AGMO: variants seen among roughly 807,000 people sequenced by gnomAD.
The protein encoded by AGMO is alkylglycerol monooxygenase.
A neutral mutation model predicts 60.2 loss-of-function variants in AGMO; 75 were observed. That is an observed-to-expected ratio of 1.25 (90% CI 1.03 to 1.51). AGMO has a LOEUF of 1.51. Among genes scored for constraint, AGMO ranks in the 40% most tolerant of loss-of-function variants. The pLI is 0.00. For missense variants in AGMO, 763 were observed against 525.5 expected, an observed-to-expected ratio of 1.45 and a Z score of -4.42; for synonymous variants, 261 against 177.1, an observed-to-expected ratio of 1.47 and a Z score of -3.76.
intron 12 of AGMO, among the ~76,000 whole-genome samples, chr7:15,291,177 T>C (rs1784253337): frequency 6.6e-6 from 1 of 152,098 alleles, no homozygotes; most frequent in South Asian, 2.1e-4. Context: ...ATGTAAACTT[T>C]TAATTTATCT....
intron 3 of AGMO, among the ~76,000 whole-genome samples, chr7:15,510,548 CAT>C (rs3076841): frequency 2.7e-5 from 4 of 148,416 alleles, no homozygotes; most frequent in Non-Finnish European, 4.5e-5. Flanking sequence ...CTATATATAT[CAT>C]ATATATATGT....
intron 12 of AGMO, among the ~76,000 whole-genome samples, chr7:15,290,410 G>A (rs1255634927): frequency 6.6e-6 from 1 of 152,094 alleles, no homozygotes; most frequent in Non-Finnish European, 1.5e-5. Context: ...AGGATATATT[G>A]TTAAGGAACT....
At chr7:15,405,141 C>A (rs112610078) in intron 5 of AGMO, among the ~76,000 whole-genome samples, 2,317 of 151,842 alleles carry the variant, frequency 0.015, 47 homozygotes, top group African/African-American at 0.052. Flanking sequence ...ATTAAAAAAT[C>A]TATATTATTA....
intron 3 of AGMO, among the ~76,000 whole-genome samples, chr7:15,442,126 C>T (rs1401017975): frequency 6.6e-6 from 1 of 152,148 alleles, no homozygotes; most frequent in Non-Finnish European, 1.5e-5. Context: ...AACTGAATGT[C>T]CTCATCAAAA....
intron 12 of AGMO, among the ~76,000 whole-genome samples, chr7:15,233,104 A>G (rs1782305218): frequency 6.6e-6 from 1 of 152,116 alleles, no homozygotes; most frequent in Non-Finnish European, 1.5e-5. Context: ...AACTGTCCGC[A>G]AAAAAAGGCA....
At chr7:15,372,389 G>A (rs1044932418) in intron 10 of AGMO, among the ~76,000 whole-genome samples, 1 of 152,202 alleles carries the variant, frequency 6.6e-6, no homozygotes, top group African/African-American at 2.4e-5. Flanking sequence ...CTGGGAAGCA[G>A]AGGTTGCAGT....
the AGMO span, among the ~76,000 whole-genome samples, chr7:15,177,273 A>T: frequency 6.6e-6 from 1 of 152,076 alleles, no homozygotes; most frequent in African/African-American, 2.4e-5. Flanking sequence ...TAATGAAAAG[A>T]ATGAAAAAGA....
chr7:15,246,549 G>A (rs571130709), intron 12 of AGMO, among the ~76,000 whole-genome samples: 1 of 152,058 alleles, frequency 6.6e-6, no homozygotes, highest in Non-Finnish European at 1.5e-5. Context: ...TCAAATTCTT[G>A]TAGCCCCAAA....
chr7:15,429,008 C>A (rs533190887), intron 4 of AGMO, among the ~76,000 whole-genome samples: 3 of 152,040 alleles, frequency 2.0e-5, no homozygotes, highest in Admixed American at 6.6e-5. Context: ...TCCTCCATCA[C>A]GTGCCCTGTT....
intron 3 of AGMO, among the ~76,000 whole-genome samples, chr7:15,530,795 TTTCTCTATATATTCTATATATAC>T (rs1784294692): frequency 1.8e-5 from 2 of 113,832 alleles, no homozygotes; most frequent in African/African-American, 8.0e-5. Context: ...TATATATACA[TTTCTCTATATATTCTATATATAC>T]ATTTCTATAT....
chr7:15,540,013 A>G (rs982322035), intron 3 of AGMO, among the ~76,000 whole-genome samples: 1 of 152,210 alleles, frequency 6.6e-6, no homozygotes, highest in East Asian at 1.9e-4. Context: ...TGAATAAGGA[A>G]AAGTTAATAT....
At chr7:15,387,589 G>C (rs571994958) in intron 8 of AGMO, 49 bp from the exon 9 acceptor site, 6 of 1,495,064 alleles carry the variant, frequency 4.0e-6, no homozygotes, top group South Asian at 3.6e-5. Context: ...AAATAGGAAA[G>C]ATTAAATACC....
the AGMO span, among the ~76,000 whole-genome samples, chr7:15,155,711 C>T: frequency 6.6e-6 from 1 of 152,010 alleles, no homozygotes; most frequent in East Asian, 1.9e-4. Context: ...GACACTCTGG[C>T]TTTCAGAGTT....
intron 10 of AGMO, among the ~76,000 whole-genome samples, chr7:15,371,023 C>A (rs111749339): frequency 6.6e-6 from 1 of 152,176 alleles, no homozygotes; most frequent in African/African-American, 2.4e-5. Flanking sequence ...GAAAAGACTC[C>A]TTATTCAGTA....
chr7:15,348,386 G>C (rs1341481853), intron 12 of AGMO, among the ~76,000 whole-genome samples: 1 of 151,902 alleles, frequency 6.6e-6, no homozygotes, highest in East Asian at 1.9e-4. Context: ...AAACTGTTTA[G>C]GCATCAATAG....
At chr7:15,522,476 A>G (rs529758146) in intron 3 of AGMO, among the ~76,000 whole-genome samples, 96 of 152,350 alleles carry the variant, frequency 6.3e-4, no homozygotes, top group African/African-American at 1.4e-3. Context: ...TAACCAAAAC[A>G]GCATGGTACT....
intron 3 of AGMO, among the ~76,000 whole-genome samples, chr7:15,439,665 C>T (rs1482709921): frequency 1.3e-5 from 2 of 152,266 alleles, no homozygotes; most frequent in East Asian, 3.9e-4. Context: ...CATCACTGTG[C>T]TTTGAAAAGC....
At chr7:15,385,674 C>G in intron 9 of AGMO, 112 bp from the exon 10 acceptor site, 1 of 696,634 alleles carries the variant, frequency 1.4e-6, no homozygotes, top group East Asian at 2.7e-5. Flanking sequence ...TAAAAAAAGA[C>G]AAACATAATT....
At position 15,208,371 on chromosome 7, in the gene AGMO, C is replaced by A. The variant is rs570631552; in HGVS notation, c.1264-7012G>T. ...TAAAGGTGTACTTTAGAGAAATAAT[C>A]TTTTTCCACCAATAATCTTCCTCTG... On this transcript the variant is annotated intron_variant, in intron 12 of 12. Coordinates refer to ENST00000342526, the MANE Select transcript of AGMO (RefSeq NM_001004320.2). Among the ~76,000 whole-genome samples, 7 of 152,252 alleles carry A rather than the reference C, an allele frequency of 4.6e-5. No homozygotes were observed. In the South Asian group the frequency reaches 1.2e-3, roughly 27 times the overall value.
Sources: gnomAD v4.1 joint callset for allele counts (sites outside exome capture counted in the v4.1 genomes callset) on GRCh38, gnomAD v4.1.1 for gene constraint, MANE v1.5 for transcripts, NCBI Gene and HGNC (gene_info 2026-07-23, HGNC 2026-07-21) for gene names.